Variants in CADM2 observed in about 807,000 individuals in gnomAD.
CADM2 encodes the protein cell adhesion molecule 2.
A neutral mutation model predicts 49.8 loss-of-function variants in CADM2; 12 were observed. The observed-to-expected ratio is 0.24, with a 90% CI of 0.15 to 0.39. The LOEUF is 0.39. CADM2 is among the 10% of genes least tolerant of loss of function. The pLI is 1.00. For synonymous variants in CADM2, 214 were observed against 175.4 expected (o/e 1.22, Z -1.74); for missense variants, 378 against 492.3 (o/e 0.77, Z 2.20).
chr3:85,081,164 G>A (rs924115719), intron 1 of CADM2, among the ~76,000 whole-genome samples: 94 of 152,068 alleles, frequency 6.2e-4, no homozygotes, highest in Non-Finnish European at 2.5e-4. Flanking sequence ...ATGTTGATCA[G>A]ATTCCATTTT....
At chr3:85,814,778 A>G (rs2073106819) in intron 3 of CADM2, among the ~76,000 whole-genome samples, 1 of 151,994 alleles carries the variant, frequency 6.6e-6, no homozygotes, top group Non-Finnish European at 1.5e-5. Flanking sequence ...ATTCTATTCT[A>G]TAGTATTCTA....
chr3:85,974,204 T>C (rs1040605245), intron 8 of CADM2, among the ~76,000 whole-genome samples: 3 of 151,630 alleles, frequency 2.0e-5, no homozygotes, highest in Non-Finnish European at 4.4e-5. Flanking sequence ...GGGCCATGCT[T>C]TCCATATGAG....
chr3:85,232,032 A>T (rs2042303179), intron 1 of CADM2, among the ~76,000 whole-genome samples: 1 of 151,758 alleles, frequency 6.6e-6, no homozygotes, highest in Non-Finnish European at 1.5e-5. Flanking sequence ...TCTAAAGGTG[A>T]TAAAACTTAA....
At chr3:85,603,350 C>A (rs946785108) in intron 1 of CADM2, among the ~76,000 whole-genome samples, 1 of 151,826 alleles carries the variant, frequency 6.6e-6, no homozygotes, top group East Asian at 1.9e-4. Flanking sequence ...ACCAGTTTAA[C>A]TACTTAACTT....
chr3:85,463,165 C>A (rs1432373908), intron 1 of CADM2, among the ~76,000 whole-genome samples: 1 of 152,142 alleles, frequency 6.6e-6, no homozygotes, highest in African/African-American at 2.4e-5. Flanking sequence ...ATATTAGAGA[C>A]TTTTTGTTCC....
intron 2 of CADM2, among the ~76,000 whole-genome samples, chr3:85,763,808 C>T (rs2069514492): frequency 6.6e-6 from 1 of 152,108 alleles, no homozygotes; most frequent in African/African-American, 2.4e-5. Flanking sequence ...CATCCCACAG[C>T]TTTTCATCAA....
At chr3:85,990,095 C>CACT (rs1353219903) in intron 8 of CADM2, among the ~76,000 whole-genome samples, 1 of 99,480 alleles carries the variant, frequency 1.0e-5, no homozygotes, top group Non-Finnish European at 2.1e-5. Context: ...TACTTAAAAA[C>CACT]ACTTAACAAT....
chr3:85,112,747 T>G (rs1458816525), intron 1 of CADM2, among the ~76,000 whole-genome samples: 1 of 151,834 alleles, frequency 6.6e-6, no homozygotes, highest in East Asian at 1.9e-4. Flanking sequence ...TCTGTCTATG[T>G]CAAATACTAA....
At chr3:85,641,151 C>T (rs1479423814) in intron 1 of CADM2, among the ~76,000 whole-genome samples, 2 of 152,046 alleles carry the variant, frequency 1.3e-5, no homozygotes, top group Non-Finnish European at 2.9e-5. Context: ...TGCATTAATG[C>T]GTTTCAGCCT....
chr3:85,814,355 T>C (rs967553197), intron 3 of CADM2, among the ~76,000 whole-genome samples: 4 of 152,112 alleles, frequency 2.6e-5, no homozygotes, highest in Non-Finnish European at 4.4e-5. Flanking sequence ...ATGTTATTGA[T>C]GTATAGGAAT....
intron 8 of CADM2, among the ~76,000 whole-genome samples, chr3:85,969,784 G>A (rs1462514615): frequency 1.3e-5 from 2 of 150,870 alleles, no homozygotes; most frequent in South Asian, 2.1e-4. Context: ...CTAAATAGTA[G>A]GTGCTCAATA....
intron 1 of CADM2, among the ~76,000 whole-genome samples, chr3:85,532,674 A>G (rs1576738200): frequency 6.6e-6 from 1 of 152,210 alleles, no homozygotes; most frequent in South Asian, 2.1e-4. Context: ...TACCCAAAGG[A>G]CTATAAATCG....
At chr3:85,527,567 A>G (rs1159504859) in intron 1 of CADM2, among the ~76,000 whole-genome samples, 1 of 146,416 alleles carries the variant, frequency 6.8e-6, no homozygotes, top group Non-Finnish European at 1.5e-5. Flanking sequence ...GTTTTTGACA[A>G]TGACATCTCA....
chr3:85,809,504 T>C (rs1190506551), intron 3 of CADM2, among the ~76,000 whole-genome samples: 1 of 151,942 alleles, frequency 6.6e-6, no homozygotes, highest in African/African-American at 2.4e-5. Context: ...AGCAAGAGAA[T>C]TGCTTGAACC....
intron 1 of CADM2, among the ~76,000 whole-genome samples, chr3:85,544,492 G>A (rs62253963): frequency 0.3 from 45,119 of 152,124 alleles, 7,941 homozygotes; most frequent in East Asian, 0.55. Flanking sequence ...CGGGTGAATG[G>A]CGTGAACCCG....
chr3:85,662,195 T>A (rs2065428807), intron 1 of CADM2, among the ~76,000 whole-genome samples: 1 of 151,610 alleles, frequency 6.6e-6, no homozygotes, highest in Non-Finnish European at 1.5e-5. Context: ...AACAATTACT[T>A]TTTCTTTTAG....
At chr3:85,134,219 C>A (rs1249357708) in intron 1 of CADM2, among the ~76,000 whole-genome samples, 1 of 152,218 alleles carries the variant, frequency 6.6e-6, no homozygotes, top group Non-Finnish European at 1.5e-5. Context: ...CCGCGCGCAG[C>A]CCCGGTTCCC....
At chr3:85,147,210 G>A (rs1179347253) in intron 1 of CADM2, among the ~76,000 whole-genome samples, 1 of 143,652 alleles carries the variant, frequency 7.0e-6, no homozygotes, top group Non-Finnish European at 1.5e-5. Flanking sequence ...GGGAGGCGGA[G>A]CTTGCGGTGA....
chr3:85,332,793 G>C (rs1393500349), intron 1 of CADM2, among the ~76,000 whole-genome samples: 3 of 151,820 alleles, frequency 2.0e-5, no homozygotes, highest in Admixed American at 6.6e-5. Context: ...TCTACTGCTA[G>C]TTTGCAAGTA....
Sources: allele counts gnomAD v4.1 joint callset (sites outside exome capture counted in the v4.1 genomes callset), GRCh38; gene constraint gnomAD v4.1.1; transcripts MANE v1.5; gene names NCBI Gene and HGNC (gene_info 2026-07-23, HGNC 2026-07-21).